Variants in COLQ observed in about 807,000 individuals in gnomAD.
The protein encoded by COLQ is collagen like tail subunit of asymmetric acetylcholinesterase, also known as acetylcholinesterase collagenic tail peptide.
A neutral mutation model predicts 69.0 loss-of-function variants in COLQ; 48 were observed. The ratio of observed to expected loss-of-function variants is 0.70; its 90% CI spans 0.55 to 0.88. The LOEUF (loss-of-function observed/expected upper bound fraction) is 0.88, where lower values mean the gene tolerates loss of function less well. Among genes scored for constraint, COLQ ranks in the 40% least tolerant of loss-of-function variants. The probability of loss-of-function intolerance (pLI) is 0.00; values close to 1 mark genes in which losing one functional copy is unlikely to be tolerated. For synonymous variants in COLQ, 217 were observed against 211.2 expected (o/e 1.03, Z -0.24); for missense variants, 618 against 594.6 (o/e 1.04, Z -0.41).
chr3:15,469,397 T>TC (rs2062247163), intron 11 of COLQ, among the ~76,000 whole-genome samples: 1 of 152,296 alleles, frequency 6.6e-6, no homozygotes, highest in African/African-American at 2.4e-5. Context: ...AAAAGATTTC[T>TC]CCCCCATATT....
At position 15,473,409 on chromosome 3, in the gene COLQ, C is replaced by T. The variant is rs946636377; in HGVS notation, c.636+591G>A. 5.3e-5 allele frequency among the ~76,000 whole-genome samples: 8 copies of T among 152,176 alleles called. No individual in the cohort carries two copies. Among genetic ancestry groups the T allele is most frequent in the Admixed American group, 1.3e-4 (2 of 15,286 alleles). On this transcript the variant is annotated intron_variant, in intron 10 of 16. Coordinates refer to ENST00000383788, the MANE Select transcript of COLQ (RefSeq NM_005677.4). The surrounding 1 kb of genome is among the most constrained non-coding windows in gnomAD (Gnocchi z 4.0). ...CTGGGTTCAAGCCATCTGCCCACCTCGGCCTCCCAAAGTGCTGGGATTACA... is the reference window on the plus strand; with the variant it reads ...CTGGGTTCAAGCCATCTGCCCACCTTGGCCTCCCAAAGTGCTGGGATTACA...
At chr3:15,503,832 C>G (rs2062865823) in intron 1 of COLQ, among the ~76,000 whole-genome samples, 1 of 151,684 alleles carries the variant, frequency 6.6e-6, no homozygotes, top group Admixed American at 6.6e-5. Flanking sequence ...AGATCTTCCT[C>G]CACCACCACC....
intron 1 of COLQ, among the ~76,000 whole-genome samples, chr3:15,511,651 G>T (rs988882267): frequency 6.6e-6 from 1 of 152,198 alleles, no homozygotes; most frequent in Non-Finnish European, 1.5e-5. Context: ...GCTCCACGCA[G>T]CTCTCGAGAA....
chr3:15,498,848 G>A, intron 1 of COLQ: 1 of 1,414,438 alleles, frequency 7.1e-7, no homozygotes, highest in South Asian at 1.5e-5. Flanking sequence ...GAGGACAAGA[G>A]TGCCTTCAGC....
At chr3:15,471,151 G>A (rs1024500083) in intron 10 of COLQ, among the ~76,000 whole-genome samples, 4 of 152,270 alleles carry the variant, frequency 2.6e-5, no homozygotes, top group African/African-American at 7.2e-5. Flanking sequence ...TTATGTGCTT[G>A]CCCACTCTTA....
intron 3 of COLQ, among the ~76,000 whole-genome samples, chr3:15,487,044 G>T (rs546609972): frequency 1.5e-4 from 23 of 152,170 alleles, no homozygotes; most frequent in African/African-American, 5.3e-4. Context: ...TTGAGCTTAC[G>T]TTTTACAGAG....
chr3:15,484,700 G>T (rs2062545987), intron 3 of COLQ, among the ~76,000 whole-genome samples: 1 of 152,146 alleles, frequency 6.6e-6, no homozygotes, highest in Admixed American at 6.5e-5. Flanking sequence ...TCTTCCACAT[G>T]ATTGAATTGG....
At chr3:15,459,781 G>T (rs989375852) in intron 12 of COLQ, among the ~76,000 whole-genome samples, 1 of 144,132 alleles carries the variant, frequency 6.9e-6, no homozygotes, top group Non-Finnish European at 1.5e-5. Context: ...GCCTGGTCAG[G>T]CACCCATATT....
intron 8 of COLQ, 43 bp downstream of exon 8, chr3:15,474,882 G>A (rs1326192502): frequency 6.2e-7 from 1 of 1,609,166 alleles, no homozygotes. Flanking sequence ...AGAGCCAGTA[G>A]CCCAGACCAG....
chr3:15,452,314 G>A (rs1384558610), intron 16 of COLQ, among the ~76,000 whole-genome samples: 2 of 152,118 alleles, frequency 1.3e-5, no homozygotes, highest in East Asian at 1.9e-4. Context: ...TGACCTGCCC[G>A]CCTTGGCCTC....
chr3:15,477,396 TCTC>T (rs2062398817), intron 5 of COLQ, 199 bp from the exon 6 acceptor site: 1 of 585,518 alleles, frequency 1.7e-6, no homozygotes, highest in East Asian at 2.9e-5. Context: ...ACCTTATTCT[TCTC>T]AAGAAATGGA....
intron 15 of COLQ, 44 bp downstream of exon 15, chr3:15,455,855 C>G (rs774726658): frequency 9.9e-6 from 16 of 1,613,286 alleles, no homozygotes; most frequent in Admixed American, 3.3e-5. Context: ...TCCCACCCCC[C>G]TGCTGTTCAG....
chr3:15,473,868 C>G lies in COLQ; in HGVS notation c.636+132G>C. The G allele has an allele frequency of 1.9e-6, 2 of 1,045,178 alleles. No homozygotes were observed. The highest frequency in any genetic ancestry group is 1.5e-6 in the Non-Finnish European group (1 of 686,502). 64.7% of individuals were successfully genotyped at this position (1,045,178 alleles called of 1,614,324 possible). ...GGTGAAAAGCAACTTGCTTCCCGTC[C>G]CAAAATAGAAGTTTCCATGGTTAAA... On this transcript the variant is annotated intron_variant, in intron 10 of 16. Transcript: ENST00000383788. This position sits in a 1 kb window ranked among gnomAD's most constrained non-coding sequence, Gnocchi z 4.0.
intron 16 of COLQ, 152 bp from the exon 17 acceptor site, chr3:15,451,865 A>G (rs1559510111): frequency 2.7e-6 from 2 of 739,108 alleles, no homozygotes; most frequent in Non-Finnish European, 4.8e-6. Flanking sequence ...GAGTTGAATC[A>G]TGTCTCTGGG....
chr3:15,454,768 A>C (rs1177369080), intron 15 of COLQ, among the ~76,000 whole-genome samples: 1 of 138,110 alleles, frequency 7.2e-6, no homozygotes, highest in African/African-American at 2.7e-5. Flanking sequence ...TCATCCTCCC[A>C]CCTCACCCTC....
chr3:15,456,714 G>T, intron 13 of COLQ, 135 bp from the exon 14 acceptor site: 2 of 1,145,864 alleles, frequency 1.7e-6, no homozygotes, highest in Non-Finnish European at 2.5e-6. Flanking sequence ...CTACACTCTA[G>T]CATTCCTTCT....
chr3:15,488,840 T>A (rs74921184), intron 2 of COLQ, among the ~76,000 whole-genome samples: 5 of 152,346 alleles, frequency 3.3e-5, no homozygotes, highest in Admixed American at 3.3e-4. Context: ...AAATCCAGTA[T>A]GTATTTTACA....
At chr3:15,461,820 G>A (rs2062118822) in intron 12 of COLQ, among the ~76,000 whole-genome samples, 1 of 151,996 alleles carries the variant, frequency 6.6e-6, no homozygotes, top group South Asian at 2.1e-4. Flanking sequence ...TGGGACAGGG[G>A]TTCTGGAACC....
intron 11 of COLQ, among the ~76,000 whole-genome samples, chr3:15,469,012 C>A (rs547668989): frequency 6.6e-6 from 1 of 152,284 alleles, no homozygotes; most frequent in African/African-American, 2.4e-5. Context: ...TAAGACTATG[C>A]TGGGAGATTA....
Sources: gnomAD v4.1 joint callset for allele counts (sites outside exome capture counted in the v4.1 genomes callset) on GRCh38, gnomAD v4.1.1 for gene constraint, Gnocchi (gnomAD v3.1) non-coding constraint, MANE v1.5 for transcripts, NCBI Gene and HGNC (gene_info 2026-07-23, HGNC 2026-07-21) for gene names.